The following AMBRA1 variants were observed in gnomAD, a reference collection of about 807,000 sequenced individuals.
The protein encoded by AMBRA1 is autophagy and beclin 1 regulator 1, also known as activating molecule in BECN1-regulated autophagy protein 1.
A neutral mutation model predicts 125.4 loss-of-function variants in AMBRA1; 47 were observed. That is an observed-to-expected ratio of 0.37 (90% CI 0.30 to 0.48). The LOEUF is 0.48. AMBRA1 is among the 20% of genes least tolerant of loss of function. AMBRA1 has a pLI of 0.99. For synonymous variants in AMBRA1, 626 were observed against 655.5 expected (o/e 0.95, Z 0.69); for missense variants, 1,331 against 1,693.4 (o/e 0.79, Z 3.76).
At chr11:46,503,666 G>C (rs1950926543) in intron 9 of AMBRA1, among the ~76,000 whole-genome samples, 1 of 152,196 alleles carries the variant, frequency 6.6e-6, no homozygotes, top group African/African-American at 2.4e-5. Context: ...TGGTCACAAT[G>C]TGGACTTCTG....
chr11:46,470,513 C>T (rs879648028), intron 11 of AMBRA1, among the ~76,000 whole-genome samples: 12 of 144,354 alleles, frequency 8.3e-5, no homozygotes, highest in East Asian at 2.0e-4. Context: ...GGCGTGAACC[C>T]GGGAGGCAGA....
intron 1 of AMBRA1, among the ~76,000 whole-genome samples, chr11:46,556,108 T>C (rs1426441640): frequency 1.3e-5 from 2 of 152,260 alleles, no homozygotes; most frequent in Admixed American, 6.5e-5. Context: ...TTTCAGGCTT[T>C]TAATTAGAAG....
intron 7 of AMBRA1, among the ~76,000 whole-genome samples, chr11:46,525,519 T>C (rs1951930093): frequency 6.6e-6 from 1 of 151,848 alleles, no homozygotes; most frequent in African/African-American, 2.4e-5. Flanking sequence ...CCAAGGCAGG[T>C]AGATCAAGAT....
intron 17 of AMBRA1, among the ~76,000 whole-genome samples, chr11:46,399,026 G>A (rs1277644999): frequency 2.7e-5 from 4 of 146,754 alleles, no homozygotes; most frequent in African/African-American, 7.6e-5. Context: ...CACCCTCCTC[G>A]GCCTCCCAAA....
intron 11 of AMBRA1, among the ~76,000 whole-genome samples, chr11:46,481,852 C>G (rs539686259): frequency 3.9e-4 from 60 of 152,296 alleles, no homozygotes; most frequent in Admixed American, 9.2e-4. Flanking sequence ...CCTCAGTTTC[C>G]TCATCTGTAA....
At chr11:46,560,984 A>C (rs1437095951) in intron 1 of AMBRA1, among the ~76,000 whole-genome samples, 1 of 152,212 alleles carries the variant, frequency 6.6e-6, no homozygotes, top group Non-Finnish European at 1.5e-5. Context: ...ATAAAGGATC[A>C]CATCTTTCTA....
In AMBRA1 at chr11:46,547,045, C is replaced by T. The variant is rs1953055810; in HGVS notation, c.378+68G>A. On this transcript the variant is annotated intron_variant, in intron 4 of 17. Transcript: ENST00000683756. ...AAGATCACACCACTGGGCAACAGAG[C>T]GAGACTCCGTCTCAAAAAAAAAAAA... 19 of 1,445,502 alleles carry T rather than the reference C, an allele frequency of 1.3e-5. No homozygotes were observed. In the South Asian group the frequency reaches 2.4e-4, roughly 18 times the overall value. 89.5% of individuals were successfully genotyped at this position (1,445,502 alleles called of 1,614,324 possible). A position where few individuals can be genotyped will look rare whatever the true frequency, so the allele number is the denominator to read the frequency against.
intron 14 of AMBRA1, among the ~76,000 whole-genome samples, chr11:46,427,668 T>C (rs1947213933): frequency 1.3e-5 from 2 of 152,162 alleles, no homozygotes; most frequent in Non-Finnish European, 2.9e-5. Context: ...GGGGCACACA[T>C]TGAGAACTGC....
intron 7 of AMBRA1, among the ~76,000 whole-genome samples, chr11:46,538,735 C>G (rs1212875124): frequency 6.6e-6 from 1 of 152,116 alleles, no homozygotes; most frequent in South Asian, 2.1e-4. Flanking sequence ...TGACCTCAGG[C>G]AATCTGCCTG....
At chr11:46,552,948 A>G (rs2043053807) in intron 1 of AMBRA1, among the ~76,000 whole-genome samples, 1 of 151,374 alleles carries the variant, frequency 6.6e-6, no homozygotes, top group Non-Finnish European at 1.5e-5. Flanking sequence ...CTCATCACTC[A>G]CTTTTTTTCT....
intron 11 of AMBRA1, among the ~76,000 whole-genome samples, chr11:46,470,886 C>T (rs1050906066): frequency 2.6e-5 from 4 of 152,128 alleles, no homozygotes; most frequent in Non-Finnish European, 4.4e-5. Flanking sequence ...GACAAAAATT[C>T]CCACCTTCAT....
intron 7 of AMBRA1, among the ~76,000 whole-genome samples, chr11:46,525,330 G>A (rs1007404083): frequency 5.9e-5 from 9 of 152,010 alleles, no homozygotes; most frequent in East Asian, 3.9e-4. Flanking sequence ...GGCCAGGCGC[G>A]GTGGCTCACA....
intron 2 of AMBRA1, 54 bp from the exon 3 acceptor site, chr11:46,547,929 T>G (rs995584909): frequency 3.2e-6 from 5 of 1,547,836 alleles, no homozygotes; most frequent in Non-Finnish European, 4.4e-6. Flanking sequence ...AGACCATGGT[T>G]CACCGTATCT....
intron 1 of AMBRA1, among the ~76,000 whole-genome samples, chr11:46,589,210 G>C (rs1006192008): frequency 1.1e-4 from 17 of 152,060 alleles, no homozygotes; most frequent in African/African-American, 4.1e-4. Context: ...AATACATGCT[G>C]ACAATAACTA....
intron 7 of AMBRA1, among the ~76,000 whole-genome samples, chr11:46,530,164 A>C (rs1236189818): frequency 6.6e-6 from 1 of 152,202 alleles, no homozygotes; most frequent in East Asian, 1.9e-4. Context: ...ACGGGAAATT[A>C]CTCCCAACGT....
intron 11 of AMBRA1, among the ~76,000 whole-genome samples, chr11:46,469,604 AAT>A (rs748203537): frequency 6.6e-6 from 1 of 152,226 alleles, no homozygotes; most frequent in Non-Finnish European, 1.5e-5. Context: ...GCACAATTTA[AAT>A]ATGTTATCTT....
chr11:46,548,252 C>T lies in AMBRA1; in HGVS notation c.129G>A (p.Glu43=). The change falls in exon 2 of 18, where the codon GAG becomes GAA. Residue 43 remains glutamate (E), a synonymous_variant. Transcript: ENST00000683756. ...VEDKTRWMKW[E]GKRVELPDSP... ...ATATAGCCATTTTCCTTACCTTGCC[C>T]TCCCATTTCATCCACCGGGTTTTAT... 2 of 1,614,160 alleles carry T rather than the reference C, an allele frequency of 1.2e-6. No individual in the cohort carries two copies. Among genetic ancestry groups the T allele is most frequent in the Non-Finnish European group, 1.7e-6 (2 of 1,180,040 alleles).
intron 7 of AMBRA1, among the ~76,000 whole-genome samples, chr11:46,526,547 TAAAA>T (rs79918375): frequency 9.0e-6 from 1 of 111,004 alleles, no homozygotes; most frequent in African/African-American, 3.3e-5. Flanking sequence ...AAATTAAAAT[TAAAA>T]AAAAAAAAAA....
At chr11:46,524,472 G>A (rs537582290) in intron 7 of AMBRA1, among the ~76,000 whole-genome samples, 1 of 152,292 alleles carries the variant, frequency 6.6e-6, no homozygotes, top group African/African-American at 2.4e-5. Flanking sequence ...GACTAACCAA[G>A]AAAACTCTGA....
Sources: gnomAD v4.1 joint callset for allele counts (sites outside exome capture counted in the v4.1 genomes callset) on GRCh38, gnomAD v4.1.1 for gene constraint, MANE v1.5 for transcripts, NCBI Gene and HGNC (gene_info 2026-07-23, HGNC 2026-07-21) for gene names.